GPC5: variants seen among roughly 807,000 people sequenced by gnomAD.
The protein encoded by GPC5 is glypican 5, also known as glypican-5.
A neutral mutation model predicts 53.9 loss-of-function variants in GPC5; 47 were observed. That is an observed-to-expected ratio of 0.87 (90% CI 0.69 to 1.11). The LOEUF is 1.11. Among genes scored for constraint, GPC5 ranks in the 50% most tolerant of loss-of-function variants. The pLI is 0.00. For synonymous variants in GPC5, 286 were observed against 263.3 expected, an observed-to-expected ratio of 1.09 and a Z score of -0.84; for missense variants, 748 against 713.1, an observed-to-expected ratio of 1.05 and a Z score of -0.56.
intron 6 of GPC5, among the ~76,000 whole-genome samples, chr13:91,953,540 TA>T (rs1020971459): frequency 1.3e-5 from 2 of 151,928 alleles, no homozygotes; most frequent in East Asian, 1.9e-4. Flanking sequence ...TTGTAAAGAA[TA>T]AAAAAAGGGT....
At chr13:91,797,805 A>G (rs1314158987) in intron 5 of GPC5, among the ~76,000 whole-genome samples, 1 of 152,134 alleles carries the variant, frequency 6.6e-6, no homozygotes, top group Admixed American at 6.5e-5. Flanking sequence ...TGCTTGTGAT[A>G]CCTTCGCTGG....
intron 7 of GPC5, among the ~76,000 whole-genome samples, chr13:92,481,466 A>T (rs899188495): frequency 6.6e-6 from 1 of 152,154 alleles, no homozygotes; most frequent in African/African-American, 2.4e-5. Flanking sequence ...AAACTAACAA[A>T]CATGTATGCG....
At chr13:92,148,480 T>A (rs1421963819) in intron 7 of GPC5, among the ~76,000 whole-genome samples, 1 of 152,138 alleles carries the variant, frequency 6.6e-6, no homozygotes, top group African/African-American at 2.4e-5. Flanking sequence ...TACATTATAA[T>A]TAAATGTTAA....
chr13:92,082,955 C>T (rs1384559402), intron 6 of GPC5, among the ~76,000 whole-genome samples: 1 of 152,080 alleles, frequency 6.6e-6, no homozygotes, highest in African/African-American at 2.4e-5. Context: ...ATATATTTTT[C>T]ATACGTATTC....
chr13:92,431,359 C>T (rs751068773), intron 7 of GPC5, among the ~76,000 whole-genome samples: 22 of 144,108 alleles, frequency 1.5e-4, no homozygotes, highest in Admixed American at 3.5e-4. Context: ...CACAGGACAA[C>T]ATGACTATAT....
At chr13:92,038,580 T>C (rs1292998520) in intron 6 of GPC5, among the ~76,000 whole-genome samples, 1 of 150,528 alleles carries the variant, frequency 6.6e-6, no homozygotes, top group Non-Finnish European at 1.5e-5. Context: ...ATTACTATAG[T>C]ATAGATCATG....
At chr13:92,032,576 A>C (rs1457118485) in intron 6 of GPC5, among the ~76,000 whole-genome samples, 2 of 152,068 alleles carry the variant, frequency 1.3e-5, no homozygotes, top group Non-Finnish European at 2.9e-5. Context: ...CACATGACCT[A>C]AAACGTGGTC....
chr13:91,621,048 A>G (rs1039062465), intron 2 of GPC5, among the ~76,000 whole-genome samples: 102 of 152,128 alleles, frequency 6.7e-4, no homozygotes, highest in Admixed American at 6.4e-3. Context: ...CAACGTTGCA[A>G]CAACTGTAAG....
chr13:92,356,036 T>A (rs1594128308), intron 7 of GPC5, among the ~76,000 whole-genome samples: 1 of 152,294 alleles, frequency 6.6e-6, no homozygotes, highest in South Asian at 2.1e-4. Flanking sequence ...ACTTTTACCC[T>A]ATTTTAGATT....
chr13:92,259,794 C>G (rs2042752377), intron 7 of GPC5, among the ~76,000 whole-genome samples: 1 of 152,160 alleles, frequency 6.6e-6, no homozygotes, highest in Non-Finnish European at 1.5e-5. Flanking sequence ...GCATTCTTCA[C>G]TAATTCTGTG....
intron 5 of GPC5, among the ~76,000 whole-genome samples, chr13:91,768,074 A>G (rs892314193): frequency 6.6e-6 from 1 of 152,214 alleles, no homozygotes; most frequent in African/African-American, 2.4e-5. Context: ...AATATTGTTT[A>G]TTAGTCTAGT....
intron 7 of GPC5, 94 bp downstream of exon 7, chr13:92,145,083 C>A: frequency 9.3e-7 from 1 of 1,080,536 alleles, no homozygotes; most frequent in Non-Finnish European, 1.2e-6. Context: ...AATGACAATT[C>A]AAAAACAAGC....
At position 91,550,458 on chromosome 13, in the gene GPC5, G is replaced by A. The variant is rs181870679; in HGVS notation, c.325+101536G>A. On this transcript the variant is annotated intron_variant, in intron 2 of 7. Transcript: ENST00000377067. ...AATGTACAGGAAATATATGTGTGGG[G>A]GCAGGGAGTGCATATGAGAATTTGT... 5.3e-5 allele frequency among the ~76,000 whole-genome samples: 8 copies of A among 152,196 alleles called. No individual in the cohort carries two copies. In the South Asian group the frequency reaches 1.2e-3, roughly 24 times the overall value.
At chr13:92,209,364 C>G (rs933738828) in intron 7 of GPC5, among the ~76,000 whole-genome samples, 3 of 151,994 alleles carry the variant, frequency 2.0e-5, no homozygotes, top group Non-Finnish European at 2.9e-5. Context: ...ATTAGGTCAC[C>G]AAATAGAAAG....
At chr13:91,840,329 C>T (rs1168055978) in intron 5 of GPC5, among the ~76,000 whole-genome samples, 1 of 151,910 alleles carries the variant, frequency 6.6e-6, no homozygotes, top group African/African-American at 2.4e-5. Flanking sequence ...GTGCCTGATA[C>T]ATAGGAGATA....
chr13:92,386,809 C>T (rs993732753), intron 7 of GPC5, among the ~76,000 whole-genome samples: 6 of 151,862 alleles, frequency 4.0e-5, no homozygotes, highest in African/African-American at 7.3e-5. Context: ...ACTTCTAATC[C>T]GGTTAAAAAC....
chr13:92,249,614 T>C (rs2042677556), intron 7 of GPC5, among the ~76,000 whole-genome samples: 1 of 152,208 alleles, frequency 6.6e-6, no homozygotes, highest in Non-Finnish European at 1.5e-5. Context: ...AGATGGCACC[T>C]GTCTGAGTCT....
chr13:91,682,038 A>G (rs559135130), intron 2 of GPC5, among the ~76,000 whole-genome samples: 81 of 152,314 alleles, frequency 5.3e-4, no homozygotes, highest in African/African-American at 1.9e-3. Flanking sequence ...TATGTGATAT[A>G]TATGGTTCCG....
chr13:92,768,659 T>C (rs748833146), intron 7 of GPC5, among the ~76,000 whole-genome samples: 34 of 152,050 alleles, frequency 2.2e-4, no homozygotes, highest in Non-Finnish European at 3.2e-4. Context: ...TCCTTTCTGT[T>C]ATTTGCACCA....
Sources: gnomAD v4.1 joint callset for allele counts (sites outside exome capture counted in the v4.1 genomes callset) on GRCh38, gnomAD v4.1.1 for gene constraint, MANE v1.5 for transcripts, NCBI Gene and HGNC (gene_info 2026-07-23, HGNC 2026-07-21) for gene names.